PODN: variants seen among roughly 807,000 people sequenced by gnomAD.
PODN encodes podocan.
Under a neutral mutation model 52.7 loss-of-function variants are expected in PODN, and 40 were observed. The observed-to-expected ratio is 0.76, with a 90% CI of 0.59 to 0.99. PODN has a LOEUF of 0.99. Among genes scored for constraint, PODN ranks in the 50% least tolerant of loss-of-function variants. The pLI is 0.00. For synonymous variants in PODN, 396 were observed against 377.9 expected, an observed-to-expected ratio of 1.05 and a Z score of -0.56; for missense variants, 720 against 815.1, an observed-to-expected ratio of 0.88 and a Z score of 1.42.
chr1:53,078,789 C>T lies in PODN; in HGVS notation c.1279C>T (p.Arg427Cys), dbSNP rs145236540. 1.6e-5 allele frequency: 26 copies of T among 1,613,110 alleles called. No individual in the cohort carries two copies. Among genetic ancestry groups the T allele is most frequent in the Middle Eastern group, 1.6e-4 (1 of 6,084 alleles). ...CCCGCAGGTGCACCGCGACGCCTTCCGCAAGCTGCGCCTGCTGCGCTCGCT... is the reference window on the plus strand; with the variant it reads ...CCCGCAGGTGCACCGCGACGCCTTCTGCAAGCTGCGCCTGCTGCGCTCGCT... ...TSPQVHRDAF[R>C]KLRLLRSLDL... The change falls in exon 8 of 11, where the codon CGC (arginine) becomes TGC (cysteine). Residue 427 changes from arginine to cysteine, a missense_variant. Arg to Cys is a radical substitution (Grantham distance 180). Transcript: ENST00000312553.
rs199798146 is a variant in PODN at position 53,082,018 on chromosome 1, G to A, written c.1699G>A (p.Ala567Thr). 1 of 1,613,104 alleles carries A rather than the reference G, an allele frequency of 6.2e-7. No homozygotes were observed. The highest frequency in any genetic ancestry group is 2.2e-5 in the East Asian group (1 of 44,752). Residue 567 changes from alanine (A) to threonine (T), a missense_variant, in exon 10 of 11, where the codon GCC becomes ACC. By Grantham distance (58) the Ala-to-Thr change is moderately conservative. Coordinates refer to ENST00000312553, the MANE Select transcript of PODN (RefSeq NM_153703.5). ...GGCTGTGGGCTCCGTGGTGGACAGT[G>A]CCTTCCGGAGGCTGAAGCACCTGCA... The part of the protein sequence containing the change: ...KLAVGSVVDS[A>T]FRRLKHLQVL...
chr1:53,068,416 G>A (rs1317946264), intron 1 of PODN, among the ~76,000 whole-genome samples: 1 of 152,118 alleles, frequency 6.6e-6, no homozygotes, highest in Non-Finnish European at 1.5e-5. Context: ...AGGAGTGAAT[G>A]TCCCCCGTGC....
At chr1:53,073,027 A>G (rs909279881) in intron 3 of PODN, 4 of 221,292 alleles carry the variant, frequency 1.8e-5, no homozygotes, top group African/African-American at 2.3e-5. Context: ...ACACCATTGC[A>G]CTCCAGTCTG....
intron 1 of PODN, among the ~76,000 whole-genome samples, chr1:53,063,862 C>T (rs142702017): frequency 1.3e-5 from 2 of 152,240 alleles, no homozygotes; most frequent in Non-Finnish European, 1.5e-5. Flanking sequence ...TCCCTATCAC[C>T]AACACTAGCA....
In PODN at chr1:53,080,608, C is replaced by G. The variant is rs1213075299; in HGVS notation, c.1513-120C>G. 2.8e-6 allele frequency: 3 copies of G among 1,069,556 alleles called. No homozygotes were observed. The Admixed American group carries it at 7.2e-5, about 26-fold the overall frequency. 66.3% of individuals were successfully genotyped at this position (1,069,556 alleles called of 1,614,324 possible). A position where few individuals can be genotyped will look rare whatever the true frequency, so the allele number is the denominator to read the frequency against. On this transcript the variant is annotated intron_variant, in intron 8 of 10. Coordinates refer to ENST00000312553, the MANE Select transcript of PODN (RefSeq NM_153703.5). ...AAGTGGGGATAATTATAGACACCCC[C>G]CCTCCTCCACACAGGGTTATTGTTA...
intron 9 of PODN, among the ~76,000 whole-genome samples, chr1:53,081,103 T>G (rs1014610181): frequency 2.0e-5 from 3 of 152,256 alleles, no homozygotes; most frequent in African/African-American, 7.2e-5. Flanking sequence ...TGAATGTTAC[T>G]GTGGCAGAAA....
In PODN at chr1:53,070,103, G is replaced by A; in HGVS notation, c.248G>A (p.Gly83Asp). 3 of 1,612,682 alleles carry A rather than the reference G, an allele frequency of 1.9e-6. No homozygotes were observed. Among genetic ancestry groups the A allele is most frequent in the Non-Finnish European group, 2.5e-6 (3 of 1,179,992 alleles). The change falls in exon 2 of 11, where the codon GGC (glycine) becomes GAC (aspartate). Residue 83 changes from glycine (G) to aspartate (D), a missense_variant. Transcript: ENST00000312553. ...ACSQEGVVDC[G>D]GIDLREFPGD... is the part of the protein sequence containing the mutation. Reference sequence around the variant, plus strand: ...TCCCAGGAGGGCGTCGTGGACTGTGGCGGTATTGACCTGCGTGAGTTCCCG... The same window carrying A: ...TCCCAGGAGGGCGTCGTGGACTGTGACGGTATTGACCTGCGTGAGTTCCCG...
chr1:53,077,634 C>T (rs1644214911), intron 6 of PODN, 51 bp from the exon 7 acceptor site: 7 of 1,532,856 alleles, frequency 4.6e-6, no homozygotes, highest in Non-Finnish European at 5.4e-6. Context: ...AGGCCCTGAC[C>T]TTGCCCTCGG....
chr1:53,065,820 C>T (rs1156750434), intron 1 of PODN, among the ~76,000 whole-genome samples: 1 of 152,184 alleles, frequency 6.6e-6, no homozygotes, highest in Non-Finnish European at 1.5e-5. Context: ...TGGGCCTTTG[C>T]ACACATTGAC....
intron 10 of PODN, 43 bp downstream of exon 10, chr1:53,082,231 A>G (rs1201884487): frequency 1.4e-6 from 2 of 1,436,590 alleles, no homozygotes; most frequent in African/African-American, 2.9e-5. Flanking sequence ...TGCTCCCTGC[A>G]TTTTCCCCTT....
chr1:53,071,590 A>T lies in PODN; in HGVS notation c.368A>T (p.Glu123Val), dbSNP rs376914398. ...GAGCTCTCCCGGCTGCACCGGCTGG[A>T]GACGCTGAACCTGCAAAACAACCGC... is the stretch of plus-strand genomic sequence containing the variant. ...PEELSRLHRLETLNLQNNRLT... is the reference protein window; with the variant it reads ...PEELSRLHRLVTLNLQNNRLT... The change falls in exon 3 of 11, where the codon GAG becomes GTG. Residue 123 changes from glutamate (E) to valine (V), a missense_variant. Physicochemically the swap from Glu to Val is moderately radical, Grantham distance 121. Coordinates refer to ENST00000312553, the MANE Select transcript of PODN (RefSeq NM_153703.5). 5.9e-5 allele frequency: 95 copies of T among 1,613,712 alleles called. No individual in the cohort carries two copies. The highest frequency in any genetic ancestry group is 8.0e-5 in the Non-Finnish European group (94 of 1,180,002).
intron 4 of PODN, 94 bp from the exon 5 acceptor site, chr1:53,075,768 C>T: frequency 1.0e-6 from 1 of 988,128 alleles, no homozygotes; most frequent in Non-Finnish European, 1.6e-6. Flanking sequence ...CAGGGAGACA[C>T]AGTGAAGGGG....
chr1:53,079,029 G>T lies in PODN; in HGVS notation c.1512+7G>T. 1 of 1,525,020 alleles carries T rather than the reference G, an allele frequency of 6.6e-7. No individual in the cohort carries two copies. The allele number at this position is 1,525,020 out of a possible 1,614,324, so 94.5% of individuals were successfully genotyped here. On this transcript the variant is annotated splice_region_variant and intron_variant, in intron 8 of 10. Coordinates refer to ENST00000312553, the MANE Select transcript of PODN (RefSeq NM_153703.5). ...GGACCTCGCCCATCTGCAGGTAAGC[G>T]GAAGGGAGGGGGCTGAGCCATGCCC...
At chr1:53,078,341 G>A (rs761637164) in intron 7 of PODN, 24 bp from the exon 8 acceptor site, 58 of 1,596,942 alleles carry the variant, frequency 3.6e-5, no homozygotes, top group Non-Finnish European at 4.6e-5. Flanking sequence ...CTTGCCAACC[G>A]TCCTAATTCC....
At chr1:53,075,816 C>T (rs1247318808) in intron 4 of PODN, 46 bp from the exon 5 acceptor site, 1 of 1,510,066 alleles carries the variant, frequency 6.6e-7, no homozygotes, top group South Asian at 1.2e-5. Context: ...CACAGCTGGC[C>T]TCTGCTCCTC....
In PODN at chr1:53,071,555, C is replaced by G; in HGVS notation, c.333C>G (p.Ile111Met). The part of the protein sequence containing the change: ...LSLQNNQLEK[I>M]YPEELSRLHR... ...CCTAGAACAACCAGCTGGAAAAGATCTACCCTGAGGAGCTCTCCCGGCTGC... is the reference window on the plus strand; with the variant it reads ...CCTAGAACAACCAGCTGGAAAAGATGTACCCTGAGGAGCTCTCCCGGCTGC... The change falls in exon 3 of 11, where the codon ATC (isoleucine) becomes ATG (methionine). Residue 111 changes from isoleucine to methionine, a missense_variant. Coordinates refer to ENST00000312553, the MANE Select transcript of PODN (RefSeq NM_153703.5). The G allele has an allele frequency of 6.2e-7, 1 of 1,613,926 alleles. No individual in the cohort carries two copies. The highest frequency in any genetic ancestry group is 2.2e-5 in the East Asian group (1 of 44,866).
At position 53,074,728 on chromosome 1, in the gene PODN, C is replaced by T. The variant is rs575415788; in HGVS notation, c.471+58C>T. 1,965 of 1,561,690 alleles carry T rather than the reference C, an allele frequency of 1.3e-3. 28 individuals carry two copies. Among genetic ancestry groups the T allele is most frequent in the Non-Finnish European group, 1.5e-4 (170 of 1,138,914 alleles). On this transcript the variant is annotated intron_variant, in intron 4 of 10. Coordinates refer to ENST00000312553, the MANE Select transcript of PODN (RefSeq NM_153703.5). Reference sequence around the variant, plus strand: ...GCCCTGTCCTCTAGGCATTGTCTTCCCTGAGTTCCATGAACTTTCACCAGG... The same window carrying T: ...GCCCTGTCCTCTAGGCATTGTCTTCTCTGAGTTCCATGAACTTTCACCAGG...
In PODN at chr1:53,075,986, G is replaced by T. The variant is rs1234916093; in HGVS notation, c.581+15G>T. ...CCAAACTTGAGGTCAGAGGTCGGGGGTGGTCAGGGCTCGGGCTGGGGCAAG... is the reference window on the plus strand; with the variant it reads ...CCAAACTTGAGGTCAGAGGTCGGGGTTGGTCAGGGCTCGGGCTGGGGCAAG... On this transcript the variant is annotated intron_variant, in intron 5 of 10. Transcript: ENST00000312553. 1 of 1,560,858 alleles carries T rather than the reference G, an allele frequency of 6.4e-7. No homozygotes were observed.
In PODN at chr1:53,084,776, G is replaced by A. The variant is rs1644339171; in HGVS notation, c.*291G>A. ...CAGTCTCTGTCACACCCCCACTACCGCTGCCACGCCCTCTGAATCATGCAG... is the reference window on the plus strand; with the variant it reads ...CAGTCTCTGTCACACCCCCACTACCACTGCCACGCCCTCTGAATCATGCAG... On this transcript the variant is annotated 3_prime_UTR_variant, in exon 11 of 11. Transcript: ENST00000312553. The A allele has an allele frequency of 1.3e-5, 2 of 152,620 alleles. No homozygotes were observed. Among genetic ancestry groups the A allele is most frequent in the South Asian group, 2.1e-4 (1 of 4,872 alleles). 9.5% of individuals were successfully genotyped at this position (152,620 alleles called of 1,614,324 possible). A position where few individuals can be genotyped will look rare whatever the true frequency, so the allele number is the denominator to read the frequency against.
Sources: allele counts gnomAD v4.1 joint callset (sites outside exome capture counted in the v4.1 genomes callset), GRCh38; gene constraint gnomAD v4.1.1; transcripts MANE v1.5; gene names NCBI Gene and HGNC (gene_info 2026-07-23, HGNC 2026-07-21).